Variants in PDLIM5 observed in about 807,000 individuals in gnomAD.
The protein encoded by PDLIM5 is PDZ and LIM domain protein 5.
In PDLIM5, 34 loss-of-function variants were observed where a neutral mutation model predicts 64.2. That is an observed-to-expected ratio of 0.53 (90% confidence interval 0.40 to 0.71). The LOEUF (loss-of-function observed/expected upper bound fraction) is 0.71, where lower values mean the gene tolerates loss of function less well. PDLIM5 is among the 30% of genes least tolerant of loss of function. The pLI is 0.00. For synonymous variants in PDLIM5, 253 were observed against 269.1 expected (o/e 0.94, Z 0.59); for missense variants, 683 against 733.6 (o/e 0.93, Z 0.80).
At chr4:94,613,841 T>C (rs1370725189) in intron 7 of PDLIM5, among the ~76,000 whole-genome samples, 2 of 152,126 alleles carry the variant, frequency 1.3e-5, no homozygotes, top group African/African-American at 4.8e-5. Flanking sequence ...AATAGCAATC[T>C]AATTTAAGTA....
In PDLIM5 at chr4:94,455,324, T is replaced by C. The variant is rs373896689; in HGVS notation, c.36T>C (p.Ala12=). 5.6e-6 allele frequency: 9 copies of C among 1,613,658 alleles called. No homozygotes were observed. The African/African-American group carries it at 1.1e-4, about 19-fold the overall frequency. Reference sequence around the variant, plus strand: ...ACAGTGTGTCACTGGTTGGCCCAGCTCCTTGGGGTTTCCGGCTGCAGGGCG... The same window carrying C: ...ACAGTGTGTCACTGGTTGGCCCAGCCCCTTGGGGTTTCCGGCTGCAGGGCG... ...SNYSVSLVGP[A]PWGFRLQGGK... Residue 12 remains alanine (A), a synonymous_variant, in exon 2 of 13, where the codon GCT becomes GCC. Transcript: ENST00000317968.
At chr4:94,601,160 C>T (rs563488898) in intron 7 of PDLIM5, among the ~76,000 whole-genome samples, 1 of 152,272 alleles carries the variant, frequency 6.6e-6, no homozygotes, top group East Asian at 1.9e-4. Context: ...AGTTATTTCT[C>T]ATAGTTCTGG....
intron 3 of PDLIM5, among the ~76,000 whole-genome samples, chr4:94,528,398 A>C (rs989213930): frequency 6.6e-6 from 1 of 152,156 alleles, no homozygotes; most frequent in Non-Finnish European, 1.5e-5. Flanking sequence ...TATACAAATA[A>C]ACCTAATTAG....
chr4:94,519,828 T>C (rs930094492), intron 2 of PDLIM5, among the ~76,000 whole-genome samples: 2 of 152,242 alleles, frequency 1.3e-5, no homozygotes, highest in African/African-American at 4.8e-5. Context: ...AGGATCTGAT[T>C]CCATTTTCTT....
At chr4:94,510,515 C>T (rs111766569) in intron 2 of PDLIM5, among the ~76,000 whole-genome samples, 4,353 of 152,130 alleles carry the variant, frequency 0.029, 203 homozygotes, top group African/African-American at 0.099. Context: ...GATTATTATA[C>T]GAAAACGCAG....
chr4:94,620,284 C>A (rs1476865666), intron 8 of PDLIM5, among the ~76,000 whole-genome samples: 2 of 152,140 alleles, frequency 1.3e-5, no homozygotes, highest in Non-Finnish European at 2.9e-5. Context: ...AAGAATTGAT[C>A]ATAGCTGAGT....
intron 2 of PDLIM5, among the ~76,000 whole-genome samples, chr4:94,468,147 T>G (rs1028067145): frequency 6.6e-6 from 1 of 152,108 alleles, no homozygotes; most frequent in African/African-American, 2.4e-5. Context: ...CTTTCACTTT[T>G]TTCCCTCTAT....
intron 2 of PDLIM5, among the ~76,000 whole-genome samples, chr4:94,460,633 G>GA (rs1310274779): frequency 3.6e-4 from 48 of 132,644 alleles, no homozygotes; most frequent in Admixed American, 9.1e-4. Flanking sequence ...AAAAAAAAAA[G>GA]AAAAAAAAAA....
At chr4:94,570,529 A>G (rs1734717753) in intron 3 of PDLIM5, among the ~76,000 whole-genome samples, 1 of 152,254 alleles carries the variant, frequency 6.6e-6, no homozygotes, top group Non-Finnish European at 1.5e-5. Flanking sequence ...TAGAATCTTT[A>G]CATAATCTCA....
At position 94,576,016 on chromosome 4, in the gene PDLIM5, A is replaced by G; in HGVS notation, c.692A>G (p.Asp231Gly). ...AEGQRRGSQG[D>G]SKQQNGPPRK... ...GGACAGAGAAGAGGATCCCAGGGTG[A>G]CAGTAAACAGCAAAATGGGTAGGTG... Residue 231 changes from aspartate to glycine, a missense_variant, in exon 5 of 13, where the codon GAC becomes GGC. Asp to Gly is a moderately conservative substitution (Grantham distance 94). Coordinates refer to ENST00000317968, the MANE Select transcript of PDLIM5 (RefSeq NM_006457.5). 1 of 1,613,592 alleles carries G rather than the reference A, an allele frequency of 6.2e-7. No individual in the cohort carries two copies.
chr4:94,618,945 T>C (rs894148775), intron 8 of PDLIM5, among the ~76,000 whole-genome samples: 1 of 152,224 alleles, frequency 6.6e-6, no homozygotes, highest in Non-Finnish European at 1.5e-5. Flanking sequence ...TCACTCTTTA[T>C]GCTCTCCCTG....
chr4:94,520,982 T>C (rs1729777552), intron 2 of PDLIM5, among the ~76,000 whole-genome samples: 1 of 152,230 alleles, frequency 6.6e-6, no homozygotes, highest in Non-Finnish European at 1.5e-5. Flanking sequence ...TTCCTAATAA[T>C]TGTTATACAA....
intron 8 of PDLIM5, among the ~76,000 whole-genome samples, chr4:94,635,953 G>A (rs1578514920): frequency 6.6e-6 from 1 of 152,228 alleles, no homozygotes; most frequent in Non-Finnish European, 1.5e-5. Flanking sequence ...AAATGGAGGT[G>A]TGAGAATTTA....
chr4:94,605,754 A>G (rs1737863483), intron 7 of PDLIM5, among the ~76,000 whole-genome samples: 1 of 152,108 alleles, frequency 6.6e-6, no homozygotes, highest in Non-Finnish European at 1.5e-5. Flanking sequence ...CTTCAAAGGT[A>G]TTTCATGATT....
chr4:94,655,318 G>C (rs901338598), intron 10 of PDLIM5, among the ~76,000 whole-genome samples: 1 of 152,024 alleles, frequency 6.6e-6, no homozygotes, highest in African/African-American at 2.4e-5. Flanking sequence ...TAAGGGTCAG[G>C]CATACTTTAT....
Position 94,586,298 on chromosome 4 carries a change from T to A in PDLIM5, c.884-110T>A, listed in dbSNP as rs561655051. 1.6e-5 allele frequency: 10 copies of A among 641,864 alleles called. No homozygotes were observed. The South Asian group carries it at 1.8e-4, about 12-fold the overall frequency. The allele number at this position is 641,864 out of a possible 1,614,324, so 39.8% of individuals were successfully genotyped here. ...CAGGCTACTATGGAATTCGTTTTAG[T>A]GGCTCCATGGAAGTTGAACATTTGA... On this transcript the variant is annotated intron_variant, in intron 6 of 12. Coordinates refer to ENST00000317968, the MANE Select transcript of PDLIM5 (RefSeq NM_006457.5).
chr4:94,665,527 A>G lies in PDLIM5; in HGVS notation c.*1460A>G, dbSNP rs560705985. Reference sequence around the variant, plus strand: ...AAAAAGAGAGAGAGAGAATAAATAGAAAAGAATGTGGCTGGGAATTGTGAA... The same window carrying G: ...AAAAAGAGAGAGAGAGAATAAATAGGAAAGAATGTGGCTGGGAATTGTGAA... On this transcript the variant is annotated 3_prime_UTR_variant, in exon 13 of 13. Transcript: ENST00000317968. The G allele has an allele frequency of 1.2e-5, 11 of 895,930 alleles. No individual in the cohort carries two copies. The South Asian group carries it at 5.4e-4, about 44-fold the overall frequency. The allele number at this position is 895,930 out of a possible 1,614,324, so 55.5% of individuals were successfully genotyped here. A position where few individuals can be genotyped will look rare whatever the true frequency, so the allele number is the denominator to read the frequency against.
At chr4:94,504,537 G>A (rs1728221373) in intron 2 of PDLIM5, among the ~76,000 whole-genome samples, 1 of 152,090 alleles carries the variant, frequency 6.6e-6, no homozygotes, top group Non-Finnish European at 1.5e-5. Flanking sequence ...TGCCCGTCTT[G>A]GCCTCCCAAA....
intron 7 of PDLIM5, chr4:94,588,017 C>T (rs1736381624): frequency 8.4e-6 from 8 of 950,478 alleles, no homozygotes; most frequent in Non-Finnish European, 1.0e-5. Flanking sequence ...AATATATGAC[C>T]AGAAATGCTT....
Sources: gnomAD v4.1 joint callset for allele counts (sites outside exome capture counted in the v4.1 genomes callset) on GRCh38, gnomAD v4.1.1 for gene constraint, MANE v1.5 for transcripts, NCBI Gene and HGNC (gene_info 2026-07-23, HGNC 2026-07-21) for gene names.